The following ASS1 variants were observed in gnomAD, a reference collection of about 807,000 sequenced individuals.
ASS1 encodes the protein argininosuccinate synthase.
Under a neutral mutation model 60.5 loss-of-function variants are expected in ASS1, and 58 were observed. That is an observed-to-expected ratio of 0.96 (90% CI 0.78 to 1.19). ASS1 has a LOEUF of 1.19. Among genes scored for constraint, ASS1 ranks in the 50% most tolerant of loss-of-function variants. ASS1 has a pLI of 0.00. For synonymous variants in ASS1, 200 were observed against 206.9 expected (o/e 0.97, Z 0.29); for missense variants, 454 against 547.3 (o/e 0.83, Z 1.70).
intron 11 of ASS1, among the ~76,000 whole-genome samples, chr9:130,482,332 T>C (rs867064230): frequency 8.6e-6 from 1 of 116,756 alleles, no homozygotes; most frequent in Non-Finnish European, 1.9e-5. Flanking sequence ...TGGCGGGGGG[T>C]GGGGTGGGTT....
Position 130,477,258 on chromosome 9 carries a change from T to C in ASS1, c.688+297T>C, listed in dbSNP as rs1846045073. On this transcript the variant is annotated intron_variant, in intron 9 of 14. Coordinates refer to ENST00000352480, the MANE Select transcript of ASS1 (RefSeq NM_054012.4). This position sits in a 1 kb window ranked among gnomAD's most constrained non-coding sequence, Gnocchi z 4.2. ...TCCCTGAACAGCCACTCAACTTTCC[T>C]GGGCCTCAGTTTCCTCAGCTGTATC... Among the ~76,000 whole-genome samples the C allele has an allele frequency of 6.6e-6, 1 of 152,208 alleles. No homozygotes were observed.
chr9:130,451,440 C>T (rs1263554352), intron 1 of ASS1, among the ~76,000 whole-genome samples: 1 of 152,098 alleles, frequency 6.6e-6, no homozygotes. Context: ...AAGTTGGTCT[C>T]TGAGCCCCTC....
At position 130,480,531 on chromosome 9, in the gene ASS1, G is replaced by A. The variant is rs572649733; in HGVS notation, c.838+82G>A. On this transcript the variant is annotated intron_variant, in intron 11 of 14. Transcript: ENST00000352480. ...CCCTGAGACCCTGTCCCCTTTGGAC[G>A]CTACTACCCCCATGCTCCGTGGGCG... 4.1e-6 allele frequency: 6 copies of A among 1,471,182 alleles called. No homozygotes were observed. In the African/African-American group the frequency reaches 4.2e-5, roughly 10 times the overall value. 91.1% of individuals were successfully genotyped at this position (1,471,182 alleles called of 1,614,324 possible). A position where few individuals can be genotyped will look rare whatever the true frequency, so the allele number is the denominator to read the frequency against.
chr9:130,488,089 T>C lies in ASS1; in HGVS notation c.839-1244T>C, dbSNP rs1225359934. On this transcript the variant is annotated intron_variant, in intron 11 of 14. Coordinates refer to ENST00000352480, the MANE Select transcript of ASS1 (RefSeq NM_054012.4). This position sits in a 1 kb window ranked among gnomAD's most constrained non-coding sequence, Gnocchi z 5.2. Reference sequence around the variant, plus strand: ...CTTCTTAAGGCTGAATAATATTCCATCGTATGGATGGACTGCATTTTGCTT... The same window carrying C: ...CTTCTTAAGGCTGAATAATATTCCACCGTATGGATGGACTGCATTTTGCTT... Among the ~76,000 whole-genome samples, 1 of 152,186 alleles carries C rather than the reference T, an allele frequency of 6.6e-6. No homozygotes were observed. Among genetic ancestry groups the C allele is most frequent in the Admixed American group, 6.5e-5 (1 of 15,276 alleles).
chr9:130,446,949 G>A (rs555027190), intron 1 of ASS1, among the ~76,000 whole-genome samples: 14 of 152,344 alleles, frequency 9.2e-5, no homozygotes, highest in East Asian at 1.9e-4. Context: ...ACTTGGGGTC[G>A]ACCAGGCACC....
intron 13 of ASS1, among the ~76,000 whole-genome samples, chr9:130,497,614 G>A (rs965565238): frequency 2.0e-5 from 3 of 152,186 alleles, no homozygotes; most frequent in African/African-American, 4.8e-5. Context: ...CAGCAGCCTC[G>A]TGGGACAAGT....
At chr9:130,469,364 C>T (rs1845818673) in intron 6 of ASS1, among the ~76,000 whole-genome samples, 1 of 152,100 alleles carries the variant, frequency 6.6e-6, no homozygotes, top group Admixed American at 6.5e-5. Flanking sequence ...AGATAATCTA[C>T]ACAAACTAAG....
At chr9:130,493,874 A>G (rs1190091455) in intron 12 of ASS1, among the ~76,000 whole-genome samples, 1 of 152,042 alleles carries the variant, frequency 6.6e-6, no homozygotes, top group African/African-American at 2.4e-5. Flanking sequence ...TCTCGGGGAG[A>G]GGGGAGGGAG....
At chr9:130,473,371 G>C (rs1232138625) in intron 8 of ASS1, among the ~76,000 whole-genome samples, 1 of 152,162 alleles carries the variant, frequency 6.6e-6, no homozygotes, top group African/African-American at 2.4e-5. Flanking sequence ...TGGGAGGAAG[G>C]GTCCAAGGTC....
At chr9:130,458,302 C>T (rs1845494774) in intron 3 of ASS1, 99 bp from the exon 4 acceptor site, 4 of 1,415,778 alleles carry the variant, frequency 2.8e-6, no homozygotes, top group Non-Finnish European at 3.0e-6. Context: ...GCGGGGGTGG[C>T]CCCGTATAGG....
chr9:130,499,921 GAAGCCTTTGTTTTCTGTCACCAT>G (rs1846704315), intron 14 of ASS1, among the ~76,000 whole-genome samples: 2 of 152,186 alleles, frequency 1.3e-5, no homozygotes, highest in Admixed American at 1.3e-4. Context: ...GAGGTGGAGA[GAAGCCTTTGTTTTCTGTCACCAT>G]ACCTGAGCTG....
At position 130,476,748 on chromosome 9, in the gene ASS1, C is replaced by G; in HGVS notation, c.598-123C>G. On this transcript the variant is annotated intron_variant, in intron 8 of 14. Transcript: ENST00000352480. The surrounding 1 kb of genome is among the most constrained non-coding windows in gnomAD (Gnocchi z 4.9). The stretch of plus-strand genomic sequence containing the variant: ...GAGGGCTGGGGACCGGGGGATCTGC[C>G]GGACCCCACCAGCTGGTGGGGAAAT... The G allele has an allele frequency of 1.1e-6, 1 of 943,028 alleles. No homozygotes were observed. Among genetic ancestry groups the G allele is most frequent in the Non-Finnish European group, 1.7e-6 (1 of 577,178 alleles). The allele number at this position is 943,028 out of a possible 1,614,324, so 58.4% of individuals were successfully genotyped here.
chr9:130,495,241 A>C (rs1294585195), intron 13 of ASS1, among the ~76,000 whole-genome samples: 2 of 152,086 alleles, frequency 1.3e-5, no homozygotes, highest in Non-Finnish European at 2.9e-5. Flanking sequence ...AGAATTAGAC[A>C]AGGTGGCAGC....
chr9:130,476,805 G>A lies in ASS1; in HGVS notation c.598-66G>A. 1 of 1,437,854 alleles carries A rather than the reference G, an allele frequency of 7.0e-7. No homozygotes were observed. Among genetic ancestry groups the A allele is most frequent in the Non-Finnish European group, 9.8e-7 (1 of 1,021,154 alleles). 89.1% of individuals were successfully genotyped at this position (1,437,854 alleles called of 1,614,324 possible). A position where few individuals can be genotyped will look rare whatever the true frequency, so the allele number is the denominator to read the frequency against. On this transcript the variant is annotated intron_variant, in intron 8 of 14. Transcript: ENST00000352480. The surrounding 1 kb of genome is among the most constrained non-coding windows in gnomAD (Gnocchi z 4.9). ...AGGAGAGGGGTGCAGATCCCCGCGG[G>A]AGGTGGGCTGTAGGGTGTCCAGGGA...
intron 5 of ASS1, among the ~76,000 whole-genome samples, chr9:130,465,063 T>TTC (rs1845703026): frequency 2.0e-5 from 3 of 147,062 alleles, no homozygotes; most frequent in Non-Finnish European, 4.5e-5. Context: ...TATATTTTTT[T>TTC]TTTTTCTTTT....
At chr9:130,482,601 T>C (rs1846200573) in intron 11 of ASS1, among the ~76,000 whole-genome samples, 1 of 151,942 alleles carries the variant, frequency 6.6e-6, no homozygotes, top group African/African-American at 2.4e-5. Context: ...CAAGCAGAGT[T>C]GAGCAAAAAT....
chr9:130,490,793 C>T (rs1031382885), intron 12 of ASS1, among the ~76,000 whole-genome samples: 2 of 152,078 alleles, frequency 1.3e-5, no homozygotes, highest in African/African-American at 4.8e-5. Context: ...TTGAGAGAGA[C>T]CATAGGACCC....
chr9:130,451,513 A>C, intron 1 of ASS1: 1 of 320,346 alleles, frequency 3.1e-6, no homozygotes, highest in Non-Finnish European at 6.1e-6. Flanking sequence ...GATGTCTAAA[A>C]TTCCAGCCAG....
At chr9:130,449,371 G>A (rs1845274254) in intron 1 of ASS1, among the ~76,000 whole-genome samples, 1 of 145,400 alleles carries the variant, frequency 6.9e-6, no homozygotes, top group Non-Finnish European at 1.5e-5. Context: ...AAAGGATACA[G>A]CTCTGATGGG....
Sources: allele counts gnomAD v4.1 joint callset (sites outside exome capture counted in the v4.1 genomes callset), GRCh38; gene constraint gnomAD v4.1.1; non-coding constraint Gnocchi (gnomAD v3.1); transcripts MANE v1.5; gene names NCBI Gene and HGNC (gene_info 2026-07-23, HGNC 2026-07-21).